SEPTIN2: variants seen among roughly 807,000 people sequenced by gnomAD.
SEPTIN2 encodes septin-2.
In SEPTIN2, 34 loss-of-function variants were observed where a neutral mutation model predicts 46.5. That is an observed-to-expected ratio of 0.73 (90% confidence interval 0.56 to 0.97). The LOEUF (loss-of-function observed/expected upper bound fraction) is 0.97. Ranked by LOEUF, SEPTIN2 falls within the 50% of genes least tolerant of loss-of-function variation. The pLI is 0.00. For synonymous variants in SEPTIN2, 175 were observed against 153.4 expected, an observed-to-expected ratio of 1.14 and a Z score of -1.04; for missense variants, 347 against 448.4, an observed-to-expected ratio of 0.77 and a Z score of 2.04.
At chr2:241,330,566 A>G (rs2078832205) in intron 3 of SEPTIN2, among the ~76,000 whole-genome samples, 1 of 152,200 alleles carries the variant, frequency 6.6e-6, no homozygotes, top group Non-Finnish European at 1.5e-5. Context: ...TGTGTTGGGA[A>G]TATCCCCAAG....
At position 241,343,078 on chromosome 2, in the gene SEPTIN2, G is replaced by C. The variant is rs1164669974; in HGVS notation, c.681G>C (p.Gln227His). Reference protein sequence around the residue: ...ESDEDEDFKEQTRLLKASIPF... With the variant: ...ESDEDEDFKEHTRLLKASIPF... ...ATGAAGATGAAGATTTTAAAGAGCA[G>C]ACTAGACTTCTCAAGGTAAGAACTG... Residue 227 changes from glutamine (Q) to histidine (H), a missense_variant, in exon 8 of 13, where the codon CAG (glutamine) becomes CAC (histidine). Coordinates refer to ENST00000391971, the MANE Select transcript of SEPTIN2 (RefSeq NM_004404.5). 3 of 1,593,032 alleles carry C rather than the reference G, an allele frequency of 1.9e-6. No homozygotes were observed. The highest frequency in any genetic ancestry group is 2.6e-6 in the Non-Finnish European group (3 of 1,161,836).
intron 3 of SEPTIN2, among the ~76,000 whole-genome samples, chr2:241,334,727 G>A (rs76581378): frequency 0.033 from 5,063 of 152,274 alleles, 505 homozygotes; most frequent in Admixed American, 0.19. Context: ...GATATGTTCA[G>A]TTTTCTGAAA....
chr2:241,347,422 G>A (rs982949566), intron 10 of SEPTIN2, among the ~76,000 whole-genome samples: 3 of 152,312 alleles, frequency 2.0e-5, no homozygotes, highest in Non-Finnish European at 2.9e-5. Context: ...CTGAGTAGGC[G>A]CTGGCCCTGA....
chr2:241,341,604 A>G (rs934308156), intron 7 of SEPTIN2, among the ~76,000 whole-genome samples: 2 of 152,216 alleles, frequency 1.3e-5, no homozygotes, highest in African/African-American at 4.8e-5. Flanking sequence ...AGGATTTATG[A>G]AAAGACTGAA....
intron 7 of SEPTIN2, among the ~76,000 whole-genome samples, chr2:241,339,019 ATTATAT>A (rs1302016909): frequency 1.0e-4 from 12 of 117,246 alleles, no homozygotes; most frequent in Admixed American, 9.3e-4. Context: ...ATATTTATAC[ATTATAT>A]TTATATACAT....
intron 1 of SEPTIN2, chr2:241,316,517 CT>C: frequency 6.6e-7 from 1 of 1,521,086 alleles, no homozygotes; most frequent in Non-Finnish European, 8.8e-7. Flanking sequence ...CTGCGGGTAC[CT>C]TCGGCGAGGA....
At chr2:241,328,579 A>G (rs2149947253) in intron 3 of SEPTIN2, among the ~76,000 whole-genome samples, 1 of 151,524 alleles carries the variant, frequency 6.6e-6, no homozygotes, top group South Asian at 2.1e-4. Context: ...TTTACTAAAA[A>G]AAAAAATACT....
intron 10 of SEPTIN2, among the ~76,000 whole-genome samples, chr2:241,346,948 C>T (rs112835836): frequency 6.6e-6 from 1 of 152,174 alleles, no homozygotes; most frequent in Non-Finnish European, 1.5e-5. Flanking sequence ...CTCGCAAAGT[C>T]CTGCAGCCAT....
chr2:241,342,534 A>ATTTTTTTTTTTT (rs548033372), intron 7 of SEPTIN2, among the ~76,000 whole-genome samples: 2 of 86,986 alleles, frequency 2.3e-5, no homozygotes, highest in East Asian at 3.5e-4. Flanking sequence ...AGTTTTGTAA[A>ATTTTTTTTTTTT]TTTTTTTTTT....
rs771560283 is a variant in SEPTIN2 at position 241,348,152 on chromosome 2, C to T, written c.945C>T (p.Asp315=). Residue 315 remains aspartate, a synonymous_variant, in exon 11 of 13, where the codon GAC becomes GAT. Transcript: ENST00000391971. The part of the protein sequence containing the change: ...KRGGRKVENE[D]MNKDQILLEK... The stretch of plus-strand genomic sequence containing the variant: ...TTCTTAGGAAAGTGGAGAATGAGGA[C>T]ATGAATAAAGACCAGATCTTGCTGG... The T allele has an allele frequency of 1.7e-5, 28 of 1,612,494 alleles. No homozygotes were observed. Among genetic ancestry groups the T allele is most frequent in the Non-Finnish European group, 2.5e-6 (3 of 1,179,244 alleles).
At chr2:241,317,478 C>T in intron 1 of SEPTIN2, 1 of 939,850 alleles carries the variant, frequency 1.1e-6, no homozygotes, top group Non-Finnish European at 1.3e-6. Flanking sequence ...ATTCAGGGCC[C>T]CTTTTTATCC....
At chr2:241,345,775 A>C (rs1387255348) in intron 9 of SEPTIN2, among the ~76,000 whole-genome samples, 1 of 152,188 alleles carries the variant, frequency 6.6e-6, no homozygotes, top group Non-Finnish European at 1.5e-5. Flanking sequence ...GGAGGCATGA[A>C]TATTTTCATT....
chr2:241,338,523 G>T (rs1350215468), intron 7 of SEPTIN2, among the ~76,000 whole-genome samples: 1 of 147,842 alleles, frequency 6.8e-6, no homozygotes, highest in African/African-American at 2.5e-5. Context: ...GTTCAGGCAG[G>T]AGGATCACTT....
At chr2:241,329,540 C>T (rs894432045) in intron 3 of SEPTIN2, among the ~76,000 whole-genome samples, 9 of 152,110 alleles carry the variant, frequency 5.9e-5, no homozygotes, top group African/African-American at 1.2e-4. Context: ...GCTTGTTTTT[C>T]GGTGCCATAA....
chr2:241,339,058 TTA>T (rs1345390377), intron 7 of SEPTIN2, among the ~76,000 whole-genome samples: 81 of 132,308 alleles, frequency 6.1e-4, no homozygotes, highest in East Asian at 5.8e-3. Flanking sequence ...TTTTTATATA[TTA>T]TATATATATA....
chr2:241,317,696 G>A lies in SEPTIN2; in HGVS notation c.-18+1714G>A, dbSNP rs928121741. 2.0e-5 allele frequency: 6 copies of A among 303,422 alleles called. No homozygotes were observed. In the East Asian group the frequency reaches 1.0e-3, roughly 52 times the overall value. The allele number at this position is 303,422 out of a possible 1,614,324, so 18.8% of individuals were successfully genotyped here. On this transcript the variant is annotated intron_variant, in intron 1 of 12. Coordinates refer to ENST00000391971, the MANE Select transcript of SEPTIN2 (RefSeq NM_004404.5). ...GGAGTGTTATGTGGGTATACTGAAC[G>A]TGGACCTTCCCCGAATCCAAAGAAT...
chr2:241,316,323 G>C, intron 1 of SEPTIN2: 1 of 440,418 alleles, frequency 2.3e-6, no homozygotes, highest in Non-Finnish European at 4.0e-6. Context: ...GAGGTCGGGA[G>C]GTTTGGTGCT....
chr2:241,343,682 G>GT (rs1187484830), intron 8 of SEPTIN2, 70 bp from the exon 9 acceptor site: 1 of 1,569,458 alleles, frequency 6.4e-7, no homozygotes, highest in African/African-American at 1.4e-5. Flanking sequence ...CTGTGCTAAT[G>GT]TTCTCGTGTT....
intron 3 of SEPTIN2, among the ~76,000 whole-genome samples, chr2:241,328,032 G>A (rs900142851): frequency 5.9e-5 from 9 of 152,166 alleles, no homozygotes; most frequent in African/African-American, 1.7e-4. Context: ...CAGTCTGGGT[G>A]ACAGAGTGAG....
Sources: gnomAD v4.1 joint callset for allele counts (sites outside exome capture counted in the v4.1 genomes callset) on GRCh38, gnomAD v4.1.1 for gene constraint, MANE v1.5 for transcripts, NCBI Gene and HGNC (gene_info 2026-07-23, HGNC 2026-07-21) for gene names.